PCDHGA12: variants seen among roughly 807,000 people sequenced by gnomAD.
The protein encoded by PCDHGA12 is protocadherin gamma-A12.
A neutral mutation model predicts 61.1 loss-of-function variants in PCDHGA12; 43 were observed. The observed-to-expected ratio is 0.70, with a 90% CI of 0.55 to 0.91. The LOEUF is 0.91. Among genes scored for constraint, PCDHGA12 ranks in the 40% least tolerant of loss-of-function variants. PCDHGA12 has a pLI of 0.00. For synonymous variants in PCDHGA12, 520 were observed against 542.9 expected (o/e 0.96, Z 0.59); for missense variants, 1,236 against 1,227.7 (o/e 1.01, Z -0.10).
At chr5:141,433,289 G>C in intron 1 of PCDHGA12, 106 bp downstream of exon 1, 1 of 1,130,682 alleles carries the variant, frequency 8.8e-7, no homozygotes, top group Non-Finnish European at 1.3e-6. Context: ...AAACTCCTAG[G>C]CTCAAGCAAT....
chr5:141,457,676 A>G (rs1380484149), intron 1 of PCDHGA12, among the ~76,000 whole-genome samples: 2 of 152,240 alleles, frequency 1.3e-5, no homozygotes, highest in East Asian at 3.8e-4. Flanking sequence ...TTATTTCTAC[A>G]TAGGACTTTT....
At chr5:141,497,677 C>T in intron 2 of PCDHGA12, among the ~76,000 whole-genome samples, 1 of 151,836 alleles carries the variant, frequency 6.6e-6, no homozygotes, top group East Asian at 1.9e-4. Context: ...GTAGCTGGGA[C>T]AGCAGGTGTG....
intron 1 of PCDHGA12, among the ~76,000 whole-genome samples, chr5:141,484,740 G>GA (rs1047805396): frequency 2.0e-5 from 3 of 150,646 alleles, no homozygotes; most frequent in Admixed American, 1.3e-4. Context: ...GGTGTGTTAG[G>GA]AAAAAAAATG....
In PCDHGA12 at chr5:141,431,501, C is replaced by G; in HGVS notation, c.742C>G (p.Arg248Gly). Residue 248 changes from arginine (R) to glycine (G), a missense_variant, in exon 1 of 4, where the codon CGC becomes GGC. Physicochemically the swap from Arg to Gly is moderately radical, Grantham distance 125. Coordinates refer to ENST00000252085, the MANE Select transcript of PCDHGA12 (RefSeq NM_003735.3). This position sits in a 1 kb window ranked among gnomAD's most constrained non-coding sequence, Gnocchi z 4.8. ...ACCAGCGTTTGCTCAGCCCGAGTAC[C>G]GCGCGAGCGTTCCGGAGAATCTGGC... is the stretch of plus-strand genomic sequence containing the variant. ...NAPAFAQPEYRASVPENLALG... is the reference protein window; with the variant it reads ...NAPAFAQPEYGASVPENLALG... 1 of 1,614,010 alleles carries G rather than the reference C, an allele frequency of 6.2e-7. No homozygotes were observed. The highest frequency in any genetic ancestry group is 8.5e-7 in the Non-Finnish European group (1 of 1,180,034).
chr5:141,432,946 A>G lies in PCDHGA12; in HGVS notation c.2187A>G (p.Gly729=). 2 of 1,614,130 alleles carry G rather than the reference A, an allele frequency of 1.2e-6. No individual in the cohort carries two copies. The highest frequency in any genetic ancestry group is 1.1e-5 in the South Asian group (1 of 91,080). ...AGTCACGCCTGCTGCAGGCTTCAGG[A>G]GGCGGCTTGACAGGAGCGCCGGCGT... is the stretch of plus-strand genomic sequence containing the variant. ...WHKSRLLQAS[G]GGLTGAPASH... The change falls in exon 1 of 4, where the codon GGA becomes GGG. Residue 729 remains glycine (G), a synonymous_variant. Coordinates refer to ENST00000252085, the MANE Select transcript of PCDHGA12 (RefSeq NM_003735.3). This position sits in a 1 kb window ranked among gnomAD's most constrained non-coding sequence, Gnocchi z 6.0.
chr5:141,484,699 T>A (rs899065665), intron 1 of PCDHGA12, among the ~76,000 whole-genome samples: 4 of 151,966 alleles, frequency 2.6e-5, no homozygotes, highest in African/African-American at 9.7e-5. Flanking sequence ...GCTGTGGCTG[T>A]TTTCCCCGCC....
Position 141,491,030 on chromosome 5 carries a change from C to T in PCDHGA12, c.2425-3777C>T. ...GTCACCAAGGTGACAGCCGTGGATG[C>T]TGATGCAGGCCACAATGCGTGGCTC... On this transcript the variant is annotated intron_variant, in intron 1 of 3. Transcript: ENST00000252085. The surrounding 1 kb of genome is among the most constrained non-coding windows in gnomAD (Gnocchi z 6.9). 6.2e-7 allele frequency: 1 copy of T among 1,614,148 alleles called. No individual in the cohort carries two copies. Among genetic ancestry groups the T allele is most frequent in the South Asian group, 1.1e-5 (1 of 91,088 alleles).
chr5:141,459,756 G>A (rs1455980132), intron 1 of PCDHGA12, among the ~76,000 whole-genome samples: 1 of 152,118 alleles, frequency 6.6e-6, no homozygotes, highest in Non-Finnish European at 1.5e-5. Flanking sequence ...AATTCTAGTG[G>A]GTGTGTGATA....
intron 1 of PCDHGA12, among the ~76,000 whole-genome samples, chr5:141,460,344 A>G (rs930557610): frequency 7.2e-5 from 11 of 152,060 alleles, no homozygotes; most frequent in African/African-American, 2.2e-4. Context: ...ATTTTCTCCT[A>G]TATTTTCTTT....
In PCDHGA12 at chr5:141,489,183, G is replaced by A. The variant is rs2099683673; in HGVS notation, c.2425-5624G>A. 7.9e-7 allele frequency: 1 copy of A among 1,270,400 alleles called. No individual in the cohort carries two copies. Among genetic ancestry groups the A allele is most frequent in the Non-Finnish European group, 1.1e-6 (1 of 913,958 alleles). The allele number at this position is 1,270,400 out of a possible 1,614,324, so 78.7% of individuals were successfully genotyped here. A position where few individuals can be genotyped will look rare whatever the true frequency, so the allele number is the denominator to read the frequency against. ...TTCAGCTGCTGCATTCCAAGCCCTGGGTCTACCTTGGAGACAGGACAGCAC... is the reference window on the plus strand; with the variant it reads ...TTCAGCTGCTGCATTCCAAGCCCTGAGTCTACCTTGGAGACAGGACAGCAC... On this transcript the variant is annotated intron_variant, in intron 1 of 3. Transcript: ENST00000252085. The surrounding 1 kb of genome is among the most constrained non-coding windows in gnomAD (Gnocchi z 4.5).
Position 141,490,310 on chromosome 5 carries a change from AC to A in PCDHGA12, c.2425-4494del. 1 of 1,614,084 alleles carries A rather than the reference AC, an allele frequency of 6.2e-7. No homozygotes were observed. The highest frequency in any genetic ancestry group is 8.5e-7 in the Non-Finnish European group (1 of 1,180,012). ...GAGGTGCTATTGGCCTCTTTGGCCA[AC>A]CCTGTCCTAGAGAGCACACCAGTGG... is the stretch of plus-strand genomic sequence containing the variant. On this transcript the variant is annotated intron_variant, in intron 1 of 3. Transcript: ENST00000252085. This position sits in a 1 kb window ranked among gnomAD's most constrained non-coding sequence, Gnocchi z 5.4.
chr5:141,474,566 G>A (rs2154572064), intron 1 of PCDHGA12, among the ~76,000 whole-genome samples: 1 of 152,336 alleles, frequency 6.6e-6, no homozygotes, highest in Non-Finnish European at 1.5e-5. Flanking sequence ...GGTTTTCAGA[G>A]ATTAATTGAA....
chr5:141,467,055 C>CTTTTT (rs1193465269), intron 1 of PCDHGA12, among the ~76,000 whole-genome samples: 1 of 134,496 alleles, frequency 7.4e-6, no homozygotes, highest in Non-Finnish European at 1.6e-5. Context: ...TCAATGTTTT[C>CTTTTT]TTTTTTTTTT....
intron 1 of PCDHGA12, among the ~76,000 whole-genome samples, chr5:141,446,961 GA>G (rs1466390366): frequency 2.0e-5 from 3 of 152,070 alleles, no homozygotes; most frequent in Admixed American, 1.3e-4. Context: ...AGCACCCAGG[GA>G]AATTTGCTGT....
intron 1 of PCDHGA12, among the ~76,000 whole-genome samples, chr5:141,466,183 T>G (rs145148468): frequency 2.0e-5 from 3 of 152,138 alleles, no homozygotes; most frequent in Middle Eastern, 3.4e-3. Flanking sequence ...TATTTTTATT[T>G]TTTTTCAGAC....
chr5:141,504,941 T>G (rs2099842166), intron 2 of PCDHGA12, among the ~76,000 whole-genome samples: 1 of 152,046 alleles, frequency 6.6e-6, no homozygotes, highest in East Asian at 1.9e-4. Flanking sequence ...GGTGGGGGAA[T>G]GCACTATGTT....
Position 141,431,479 on chromosome 5 carries a change from A to T in PCDHGA12, c.720A>T (p.Pro240=). 1 of 1,613,892 alleles carries T rather than the reference A, an allele frequency of 6.2e-7. No individual in the cohort carries two copies. Among genetic ancestry groups the T allele is most frequent in the South Asian group, 1.1e-5 (1 of 91,092 alleles). The change falls in exon 1 of 4, where the codon CCA becomes CCT. Residue 240 remains proline (P), a synonymous_variant. Transcript: ENST00000252085. This position sits in a 1 kb window ranked among gnomAD's most constrained non-coding sequence, Gnocchi z 4.8. ...VMVLDANDNA[P]AFAQPEYRAS... ...TTCTGGATGCGAACGACAACGCACC[A>T]GCGTTTGCTCAGCCCGAGTACCGCG...
chr5:141,499,322 T>C (rs1186220818), intron 2 of PCDHGA12, among the ~76,000 whole-genome samples: 1 of 152,218 alleles, frequency 6.6e-6, no homozygotes, highest in Non-Finnish European at 1.5e-5. Context: ...ACAGTATCCC[T>C]GCTCTCTCTC....
chr5:141,441,327 C>T (rs973149197), intron 1 of PCDHGA12: 2 of 152,196 alleles, frequency 1.3e-5, no homozygotes, highest in Admixed American at 6.5e-5. Flanking sequence ...AAAAATCTTC[C>T]TCCAATAATT....
Sources: gnomAD v4.1 joint callset for allele counts (sites outside exome capture counted in the v4.1 genomes callset) on GRCh38, gnomAD v4.1.1 for gene constraint, Gnocchi (gnomAD v3.1) non-coding constraint, MANE v1.5 for transcripts, NCBI Gene and HGNC (gene_info 2026-07-23, HGNC 2026-07-21) for gene names.